The following DHRSX variants were observed in gnomAD, a reference collection of about 807,000 sequenced individuals.
DHRSX encodes dehydrogenase/reductase X-linked, also known as polyprenol dehydrogenase.
In DHRSX, 31 loss-of-function variants were observed where a neutral mutation model predicts 34.0. That is an observed-to-expected ratio of 0.91 (90% CI 0.69 to 1.23). The LOEUF (loss-of-function observed/expected upper bound fraction) is 1.23. Ranked by LOEUF, DHRSX falls within the 50% of genes most tolerant of loss-of-function variation. The pLI, the probability that DHRSX is intolerant of heterozygous loss-of-function variation, is 0.00. For synonymous variants in DHRSX, 201 were observed against 183.8 expected, an observed-to-expected ratio of 1.09 and a Z score of -0.76; for missense variants, 414 against 428.1, an observed-to-expected ratio of 0.97 and a Z score of 0.29.
chrX:2,366,956 G>C (rs1156737691), intron 3 of DHRSX, among the ~76,000 whole-genome samples: 1 of 152,042 alleles, frequency 6.6e-6, no homozygotes, highest in Non-Finnish European at 1.5e-5. Context: ...CCCCTGGAAA[G>C]CTGACTCTGA....
intron 5 of DHRSX, among the ~76,000 whole-genome samples, chrX:2,260,459 CAT>C (rs771644260): frequency 0.011 from 1,490 of 138,870 alleles, 28 homozygotes; most frequent in African/African-American, 0.044. Context: ...TTTTCTACTT[CAT>C]TTTTTTTTTT....
At chrX:2,368,252 A>G (rs1403289326) in intron 3 of DHRSX, among the ~76,000 whole-genome samples, 1 of 151,682 alleles carries the variant, frequency 6.6e-6, no homozygotes, top group Non-Finnish European at 1.5e-5. Flanking sequence ...CAAAAAAAAA[A>G]AAAAGAAAAA....
intron 3 of DHRSX, among the ~76,000 whole-genome samples, chrX:2,397,931 C>CACAG (rs1491257667): frequency 1.1e-4 from 1 of 8,782 alleles, no homozygotes; most frequent in Non-Finnish European, 1.5e-4. Context: ...TCAGAGCGCG[C>CACAG]ACACACACAC....
At chrX:2,356,152 G>T (rs1252135198) in intron 3 of DHRSX, among the ~76,000 whole-genome samples, 2 of 151,868 alleles carry the variant, frequency 1.3e-5, no homozygotes, top group African/African-American at 4.8e-5. Flanking sequence ...GAGGCAGGCA[G>T]ATCAACTGAA....
chrX:2,500,231 C>A (rs2124150738), intron 1 of DHRSX: 1 of 153,884 alleles, frequency 6.5e-6, no homozygotes, highest in Admixed American at 6.5e-5. Flanking sequence ...ACCAGACCTC[C>A]GTGGCTCCCC....
chrX:2,234,245 T>G (rs1351701959), intron 6 of DHRSX, among the ~76,000 whole-genome samples: 1 of 147,542 alleles, frequency 6.8e-6, no homozygotes, highest in African/African-American at 2.5e-5. Flanking sequence ...CCTGCCTGCA[T>G]CCATGCACAC....
chrX:2,456,397 T>G (rs2044297024), intron 1 of DHRSX, among the ~76,000 whole-genome samples: 2 of 151,974 alleles, frequency 1.3e-5, no homozygotes, highest in African/African-American at 4.8e-5. Flanking sequence ...GTGGATCACC[T>G]GAGGTCAGGA....
Position 2,490,504 on chromosome X carries a change from G to A in DHRSX, c.109+10313C>T, listed in dbSNP as rs151076245. On this transcript the variant is annotated intron_variant, in intron 1 of 6. Transcript: ENST00000334651. ...TCTTGACGAACTCGCAGAATTCCTC[G>A]GGGTGGTTCTTCTCCAGGTGGTAGG... 4.4e-3 allele frequency: 7,024 copies of A among 1,613,950 alleles called. 217 individuals are homozygous for A. The African/African-American group carries it at 0.073, about 17-fold the overall frequency.
At chrX:2,249,308 T>C (rs1283651729) in intron 5 of DHRSX, among the ~76,000 whole-genome samples, 1 of 149,388 alleles carries the variant, frequency 6.7e-6, no homozygotes, top group Non-Finnish European at 1.5e-5. Context: ...TTCTCCTGCC[T>C]TAACCTCCTG....
chrX:2,253,793 G>T (rs1207925769), intron 5 of DHRSX, among the ~76,000 whole-genome samples: 2 of 152,196 alleles, frequency 1.3e-5, no homozygotes, highest in Non-Finnish European at 2.9e-5. Context: ...GGGCGCGGTG[G>T]CTCACGCCTG....
Position 2,384,696 on chromosome X carries a change from A to C in DHRSX, c.286+24049T>G, listed in dbSNP as rs2043249020. ...GCAAGAAGCAAGCTTATTTGGTTGT[A>C]TTTAAAATTGAACAATGGGATCACG... On this transcript the variant is annotated intron_variant, in intron 3 of 6. Coordinates refer to ENST00000334651, the MANE Select transcript of DHRSX (RefSeq NM_145177.3). Among the ~76,000 whole-genome samples, 5 of 145,402 alleles carry C rather than the reference A, an allele frequency of 3.4e-5. No individual in the cohort carries two copies. In the South Asian group the frequency reaches 1.1e-3, roughly 32 times the overall value.
intron 1 of DHRSX, among the ~76,000 whole-genome samples, chrX:2,448,369 TTACA>T (rs1488237580): frequency 1.2e-4 from 18 of 151,358 alleles, no homozygotes; most frequent in Admixed American, 2.0e-4. Context: ...ATTTTTTCAG[TTACA>T]TAAAAGAAAT....
chrX:2,266,403 G>T lies in DHRSX; in HGVS notation c.596+337C>A, dbSNP rs1315227616. Among the ~76,000 whole-genome samples, 3 of 149,032 alleles carry T rather than the reference G, an allele frequency of 2.0e-5. No homozygotes were observed. In the South Asian group the frequency reaches 6.5e-4, roughly 32 times the overall value. On this transcript the variant is annotated intron_variant, in intron 5 of 6. Coordinates refer to ENST00000334651, the MANE Select transcript of DHRSX (RefSeq NM_145177.3). ...ACTGTCCCCAGAGCACCAGTGTACA[G>T]CAGATGCAGGGAGCACTGTTCCCAG...
chrX:2,316,944 G>T (rs1317270585), intron 3 of DHRSX, among the ~76,000 whole-genome samples: 1 of 152,076 alleles, frequency 6.6e-6, no homozygotes, highest in Non-Finnish European at 1.5e-5. Context: ...GTCACCATAG[G>T]ACCTGTGCTC....
At chrX:2,268,536 GATAT>G (rs1246976979) in intron 4 of DHRSX, among the ~76,000 whole-genome samples, 2 of 152,176 alleles carry the variant, frequency 1.3e-5, no homozygotes, top group African/African-American at 4.8e-5. Context: ...TGCCTATAGA[GATAT>G]ATGTTAGCAT....
chrX:2,411,151 A>T (rs1467084562), intron 2 of DHRSX, among the ~76,000 whole-genome samples: 1 of 152,116 alleles, frequency 6.6e-6, no homozygotes, highest in Admixed American at 6.5e-5. Context: ...TACACTGGGG[A>T]CTTGTACATT....
intron 4 of DHRSX, among the ~76,000 whole-genome samples, chrX:2,284,450 G>A (rs894316561): frequency 6.8e-6 from 1 of 146,632 alleles, no homozygotes; most frequent in African/African-American, 2.4e-5. Flanking sequence ...ATGAAGAACT[G>A]TACCAAAAAA....
At chrX:2,434,553 C>A (rs1036464719) in intron 1 of DHRSX, among the ~76,000 whole-genome samples, 1 of 152,182 alleles carries the variant, frequency 6.6e-6, no homozygotes, top group Non-Finnish European at 1.5e-5. Flanking sequence ...CGCCTGTAGT[C>A]CCAGCTACCC....
intron 3 of DHRSX, among the ~76,000 whole-genome samples, chrX:2,330,232 A>G (rs1460531061): frequency 1.3e-5 from 2 of 151,000 alleles, no homozygotes; most frequent in Non-Finnish European, 3.0e-5. Context: ...GGAAAAAAAA[A>G]GTAGAAGGGG....
Sources: gnomAD v4.1 joint callset for allele counts (sites outside exome capture counted in the v4.1 genomes callset) on GRCh38, gnomAD v4.1.1 for gene constraint, MANE v1.5 for transcripts, NCBI Gene and HGNC (gene_info 2026-07-23, HGNC 2026-07-21) for gene names.